TTC29: variants seen among roughly 807,000 people sequenced by gnomAD.
The protein encoded by TTC29 is tetratricopeptide repeat domain 29, also known as tetratricopeptide repeat protein 29.
TTC29 carries 49 observed loss-of-function variants against 58.1 expected under a neutral mutation model. The observed-to-expected ratio is 0.84, with a 90% CI of 0.67 to 1.07. The LOEUF is 1.07. Ranked by LOEUF, TTC29 falls within the 50% of genes least tolerant of loss-of-function variation. The pLI is 0.00. For missense variants in TTC29, 582 were observed against 555.6 expected (o/e 1.05, Z -0.48); for synonymous variants, 209 against 196.8 (o/e 1.06, Z -0.52).
intron 11 of TTC29, among the ~76,000 whole-genome samples, chr4:146,800,002 A>G (rs1750100392): frequency 6.6e-6 from 1 of 152,208 alleles, no homozygotes; most frequent in Non-Finnish European, 1.5e-5. Context: ...TGGGCTCTTA[A>G]GCCTTCTGGA....
At chr4:146,932,650 T>C (rs994872595) in intron 4 of TTC29, among the ~76,000 whole-genome samples, 20 of 152,224 alleles carry the variant, frequency 1.3e-4, no homozygotes, top group Admixed American at 3.3e-4. Context: ...AATTTTGAGA[T>C]TCAAGATAAA....
At chr4:146,710,756 A>C (rs1327155621) in intron 11 of TTC29, among the ~76,000 whole-genome samples, 2 of 152,120 alleles carry the variant, frequency 1.3e-5, no homozygotes, top group African/African-American at 4.8e-5. Context: ...ATTTCAGTAG[A>C]AATTGGCACT....
chr4:146,869,097 TAAAAAA>T (rs35029868), intron 7 of TTC29, among the ~76,000 whole-genome samples: 2 of 110,462 alleles, frequency 1.8e-5, no homozygotes, highest in African/African-American at 2.9e-5. Flanking sequence ...GAGCTTTAAG[TAAAAAA>T]AAAAAAAAAA....
At chr4:146,892,684 G>A (rs1028186120) in intron 6 of TTC29, among the ~76,000 whole-genome samples, 1 of 152,112 alleles carries the variant, frequency 6.6e-6, no homozygotes, top group African/African-American at 2.4e-5. Context: ...TTCTGGCCAG[G>A]GCAATCAGGC....
Position 146,707,537 on chromosome 4 carries a change from A to T in TTC29, c.1345T>A (p.Ser449Thr). ...PDPVTEEFRG[S>T]TVEAVSQNSE... ...TTTTGAGATACAGCTTCCACTGTGGATCCTCTAAACTCTTCTAAAAAAAAA... is the reference window on the plus strand; with the variant it reads ...TTTTGAGATACAGCTTCCACTGTGGTTCCTCTAAACTCTTCTAAAAAAAAA... Residue 449 changes from serine to threonine, a missense_variant, in exon 12 of 13, where the codon TCC (serine) becomes ACC (threonine). Transcript: ENST00000325106. 1 of 1,605,956 alleles carries T rather than the reference A, an allele frequency of 6.2e-7. No homozygotes were observed. The highest frequency in any genetic ancestry group is 1.1e-5 in the South Asian group (1 of 90,704).
intron 9 of TTC29, 146 bp from the exon 10 acceptor site, chr4:146,820,394 T>C (rs1460194882): frequency 3.1e-6 from 3 of 960,464 alleles, no homozygotes; most frequent in African/African-American, 1.7e-5. Flanking sequence ...AATTAAAATA[T>C]ATGGCTTGTT....
chr4:146,722,497 G>A (rs1743445088), intron 11 of TTC29, among the ~76,000 whole-genome samples: 1 of 151,984 alleles, frequency 6.6e-6, no homozygotes, highest in Non-Finnish European at 1.5e-5. Flanking sequence ...GGAACAGAAT[G>A]GAGAACCTGA....
At chr4:146,849,340 T>C (rs920561902) in intron 8 of TTC29, among the ~76,000 whole-genome samples, 2 of 152,136 alleles carry the variant, frequency 1.3e-5, no homozygotes, top group Non-Finnish European at 2.9e-5. Context: ...ACTGGGTTCA[T>C]TGGACTTTGA....
chr4:146,845,969 T>G (rs1462314250), intron 8 of TTC29, among the ~76,000 whole-genome samples: 1 of 152,192 alleles, frequency 6.6e-6, no homozygotes, highest in Non-Finnish European at 1.5e-5. Flanking sequence ...CCATTGTGCC[T>G]CTAGCTCCTC....
At chr4:146,798,886 CAAA>C (rs70958529) in intron 11 of TTC29, among the ~76,000 whole-genome samples, 58 of 18,256 alleles carry the variant, frequency 3.2e-3, no homozygotes, top group African/African-American at 0.012. Context: ...GACTCCGTCT[CAAA>C]AAAAAAAAAA....
intron 11 of TTC29, among the ~76,000 whole-genome samples, chr4:146,784,349 C>T (rs1748849002): frequency 6.6e-6 from 1 of 151,872 alleles, no homozygotes; most frequent in Admixed American, 6.6e-5. Context: ...GGAAGAGTGT[C>T]ATATGTGGTT....
chr4:146,906,155 A>G (rs1172995509), intron 5 of TTC29, among the ~76,000 whole-genome samples: 8 of 152,152 alleles, frequency 5.3e-5, no homozygotes, highest in Admixed American at 2.0e-4. Context: ...ATGACAATGG[A>G]TAATATTTAA....
intron 4 of TTC29, among the ~76,000 whole-genome samples, chr4:146,936,183 T>C (rs1355750450): frequency 2.6e-5 from 4 of 152,166 alleles, no homozygotes; most frequent in Admixed American, 6.5e-5. Flanking sequence ...TGAAATCAAT[T>C]TGGCAGTATC....
chr4:146,941,044 T>C (rs1736342370), intron 2 of TTC29, among the ~76,000 whole-genome samples: 1 of 152,196 alleles, frequency 6.6e-6, no homozygotes, highest in Admixed American at 6.5e-5. Context: ...GGCAAGTCTA[T>C]AAAATCAAAT....
chr4:146,726,650 G>C (rs540085965), intron 11 of TTC29, among the ~76,000 whole-genome samples: 3 of 152,136 alleles, frequency 2.0e-5, no homozygotes, highest in African/African-American at 7.2e-5. Flanking sequence ...AATGTTAAGG[G>C]GAATCTACTG....
At chr4:146,819,684 G>A (rs527798564) in intron 10 of TTC29, among the ~76,000 whole-genome samples, 1 of 152,194 alleles carries the variant, frequency 6.6e-6, no homozygotes, top group South Asian at 2.1e-4. Context: ...ATTATTTTTA[G>A]GATTGTCGTT....
intron 8 of TTC29, among the ~76,000 whole-genome samples, chr4:146,839,207 C>T (rs1427849366): frequency 6.6e-6 from 1 of 151,882 alleles, no homozygotes; most frequent in Non-Finnish European, 1.5e-5. Context: ...CTTATAAGTA[C>T]TGTGTGCTAA....
At chr4:146,769,277 C>T (rs1747545260) in intron 11 of TTC29, among the ~76,000 whole-genome samples, 1 of 151,868 alleles carries the variant, frequency 6.6e-6, no homozygotes. Context: ...TTTTGACTTT[C>T]CTTTTAGACA....
At chr4:146,866,920 T>C (rs1041248720) in intron 8 of TTC29, among the ~76,000 whole-genome samples, 2 of 152,176 alleles carry the variant, frequency 1.3e-5, no homozygotes, top group Non-Finnish European at 2.9e-5. Context: ...AAGATCGCTC[T>C]TGACATTTTT....
Sources: gnomAD v4.1 joint callset for allele counts (sites outside exome capture counted in the v4.1 genomes callset) on GRCh38, gnomAD v4.1.1 for gene constraint, MANE v1.5 for transcripts, NCBI Gene and HGNC (gene_info 2026-07-23, HGNC 2026-07-21) for gene names.